The following GREB1 variants were observed in gnomAD, a reference collection of about 807,000 sequenced individuals.
The protein encoded by GREB1 is growth regulating estrogen receptor binding 1, also known as protein GREB1.
A neutral mutation model predicts 200.7 loss-of-function variants in GREB1; 106 were observed. The ratio of observed to expected loss-of-function variants is 0.53; its 90% CI spans 0.45 to 0.62. The LOEUF (loss-of-function observed/expected upper bound fraction) is 0.62, where lower values mean the gene tolerates loss of function less well. Ranked by LOEUF, GREB1 falls within the 20% of genes least tolerant of loss-of-function variation. GREB1 has a pLI of 0.00. For synonymous variants in GREB1, 1,132 were observed against 1,092.4 expected (o/e 1.04, Z -0.72); for missense variants, 2,243 against 2,556.8 (o/e 0.88, Z 2.65).
Position 11,597,924 on chromosome 2 carries a change from A to C in GREB1, c.2098A>C (p.Ile700Leu). The change falls in exon 14 of 33, where the codon ATT (isoleucine) becomes CTT (leucine). Residue 700 changes from isoleucine (I) to leucine (L), a missense_variant. By Grantham distance (5) the Ile-to-Leu change is conservative. Transcript: ENST00000381486. The surrounding 1 kb of genome is among the most constrained non-coding windows in gnomAD (Gnocchi z 4.1). ...SFEKVDFLIC[I>L]PPSEVTYQQT... ...TGAGAAGGTGGACTTTCTCATTTGC[A>C]TTCCCCCCTCAGAAGTGACCTACCA... 1 of 1,614,190 alleles carries C rather than the reference A, an allele frequency of 6.2e-7. No homozygotes were observed. The highest frequency in any genetic ancestry group is 8.5e-7 in the Non-Finnish European group (1 of 1,180,018).
At chr2:11,486,573 C>G (rs1672660881) in intron 1 of GREB1, among the ~76,000 whole-genome samples, 3 of 151,928 alleles carry the variant, frequency 2.0e-5, no homozygotes, top group Non-Finnish European at 2.9e-5. Context: ...CAAAAAACAG[C>G]CAGGTGTGGT....
chr2:11,514,296 G>A (rs192486235), intron 1 of GREB1, among the ~76,000 whole-genome samples: 5 of 151,862 alleles, frequency 3.3e-5, no homozygotes, highest in Admixed American at 6.6e-5. Flanking sequence ...TGTTACCTAC[G>A]TAAATATGGA....
intron 21 of GREB1, among the ~76,000 whole-genome samples, chr2:11,617,852 C>A (rs1289217301): frequency 6.6e-6 from 1 of 152,126 alleles, no homozygotes; most frequent in East Asian, 1.9e-4. Context: ...CTGGGGCCGC[C>A]CTTCTTTTCC....
intron 1 of GREB1, among the ~76,000 whole-genome samples, chr2:11,501,910 T>G (rs1431984724): frequency 6.8e-5 from 7 of 102,904 alleles, no homozygotes; most frequent in African/African-American, 2.6e-4. Flanking sequence ...TTTTTGTTTT[T>G]TTTTTTTTTT....
chr2:11,517,448 T>C (rs1403787883), intron 1 of GREB1: 1 of 151,798 alleles, frequency 6.6e-6, no homozygotes, highest in African/African-American at 2.4e-5. Context: ...CTAAGCAGGG[T>C]TGGCTTGGTC....
At chr2:11,617,405 A>G (rs1240259952) in intron 21 of GREB1, among the ~76,000 whole-genome samples, 1 of 152,242 alleles carries the variant, frequency 6.6e-6, no homozygotes, top group Non-Finnish European at 1.5e-5. Flanking sequence ...CTGGATCAGC[A>G]CTGAAGGATA....
intron 1 of GREB1, among the ~76,000 whole-genome samples, chr2:11,539,116 G>A (rs1386604801): frequency 5.4e-5 from 8 of 147,402 alleles, no homozygotes; most frequent in African/African-American, 8.0e-5. Flanking sequence ...GCAGTGGTGC[G>A]ATCACAGCTC....
At chr2:11,596,521 G>A (rs1274689956) in intron 13 of GREB1, among the ~76,000 whole-genome samples, 2 of 49,488 alleles carry the variant, frequency 4.0e-5, no homozygotes, top group South Asian at 1.1e-3. Context: ...TGGGGGCACA[G>A]GTGTGCACAG....
chr2:11,604,131 A>C (rs897002793), intron 17 of GREB1, among the ~76,000 whole-genome samples: 3 of 152,156 alleles, frequency 2.0e-5, no homozygotes, highest in Non-Finnish European at 2.9e-5. Flanking sequence ...CAAATCATCT[A>C]ACCTGTCTAA....
At chr2:11,617,682 G>C (rs1340759599) in intron 21 of GREB1, among the ~76,000 whole-genome samples, 1 of 152,170 alleles carries the variant, frequency 6.6e-6, no homozygotes, top group African/African-American at 2.4e-5. Flanking sequence ...GCAGGGCCTG[G>C]GTGCGGGGAC....
chr2:11,619,272 AC>A (rs1394910775), intron 22 of GREB1, among the ~76,000 whole-genome samples: 1 of 152,212 alleles, frequency 6.6e-6, no homozygotes, highest in Non-Finnish European at 1.5e-5. Flanking sequence ...GTTTCGGTGA[AC>A]CATGAACGGA....
At chr2:11,627,765 C>G (rs1434091205) in intron 25 of GREB1, among the ~76,000 whole-genome samples, 2 of 152,150 alleles carry the variant, frequency 1.3e-5, no homozygotes, top group Non-Finnish European at 2.9e-5. Flanking sequence ...TGCAAGCCAC[C>G]CAAGGTGTGC....
chr2:11,512,206 A>T (rs1673370734), intron 1 of GREB1, among the ~76,000 whole-genome samples: 1 of 152,238 alleles, frequency 6.6e-6, no homozygotes, highest in African/African-American at 2.4e-5. Flanking sequence ...ACCTCTAGCA[A>T]CGCTGTCTTC....
chr2:11,588,806 T>G lies in GREB1; in HGVS notation c.1220T>G (p.Leu407Trp), dbSNP rs1208781919. 1 of 1,614,182 alleles carries G rather than the reference T, an allele frequency of 6.2e-7. No homozygotes were observed. The highest frequency in any genetic ancestry group is 8.5e-7 in the Non-Finnish European group (1 of 1,180,020). Residue 407 changes from leucine (L) to tryptophan (W), a missense_variant, in exon 10 of 33, where the codon TTG (leucine) becomes TGG (tryptophan). Leu to Trp is a moderately conservative substitution (Grantham distance 61). Coordinates refer to ENST00000381486, the MANE Select transcript of GREB1 (RefSeq NM_014668.4). ...NLNDVVVSPL[L>W]YTCYQNSQSV... ...AATGACGTCGTGGTCAGCCCCCTCT[T>G]GTACACGTGCTACCAGAATTCCCAG...
intron 7 of GREB1, among the ~76,000 whole-genome samples, chr2:11,582,225 C>G (rs1679566060): frequency 6.6e-6 from 1 of 152,216 alleles, no homozygotes; most frequent in African/African-American, 2.4e-5. Context: ...GCCCGGGAAC[C>G]TGGGAAGGTG....
At chr2:11,609,212 A>ACTTT (rs1157383896) in intron 17 of GREB1, among the ~76,000 whole-genome samples, 2 of 151,792 alleles carry the variant, frequency 1.3e-5, no homozygotes, top group Non-Finnish European at 2.9e-5. Flanking sequence ...TCCCTACTGC[A>ACTTT]CTTTCTTTCT....
rs1289937841 is a variant in GREB1, at chr2:11,626,957, T to C, written c.4307-5T>C. On this transcript the variant is annotated splice_region_variant and splice_polypyrimidine_tract_variant and intron_variant, in intron 24 of 32. Transcript: ENST00000381486. ...TGCTTTTTAATCCTGGGGAATTTGG[T>C]GCAGACAGAGGGATGTCCCGGAAGC... 6.2e-7 allele frequency: 1 copy of C among 1,614,132 alleles called. No individual in the cohort carries two copies.
At chr2:11,484,624 A>G (rs1672607359) in intron 1 of GREB1, among the ~76,000 whole-genome samples, 1 of 151,108 alleles carries the variant, frequency 6.6e-6, no homozygotes, top group Non-Finnish European at 1.5e-5. Flanking sequence ...AAAGAAAAAG[A>G]AAGAAAAAAA....
At chr2:11,559,085 A>T (rs1222430024) in intron 2 of GREB1, among the ~76,000 whole-genome samples, 1 of 152,236 alleles carries the variant, frequency 6.6e-6, no homozygotes, top group Non-Finnish European at 1.5e-5. Context: ...TTAGAATGCC[A>T]TAGAGTTTCT....
Sources: gnomAD v4.1 joint callset for allele counts (sites outside exome capture counted in the v4.1 genomes callset) on GRCh38, gnomAD v4.1.1 for gene constraint, Gnocchi (gnomAD v3.1) non-coding constraint, MANE v1.5 for transcripts, NCBI Gene and HGNC (gene_info 2026-07-23, HGNC 2026-07-21) for gene names.